Variants in EPM2A observed in about 807,000 individuals in gnomAD.
EPM2A encodes laforin.
Under a neutral mutation model 26.5 loss-of-function variants are expected in EPM2A, and 21 were observed. That is an observed-to-expected ratio of 0.79 (90% CI 0.56 to 1.14). The LOEUF (loss-of-function observed/expected upper bound fraction) is 1.14, where lower values mean the gene tolerates loss of function less well. Ranked by LOEUF, EPM2A falls within the 50% of genes most tolerant of loss-of-function variation. The probability of loss-of-function intolerance (pLI) is 0.00; values close to 1 mark genes in which losing one functional copy is unlikely to be tolerated. For missense variants in EPM2A, 458 were observed against 440.8 expected (o/e 1.04, Z -0.35); for synonymous variants, 217 against 177.6 (o/e 1.22, Z -1.76).
intron 4 of EPM2A, among the ~76,000 whole-genome samples, chr6:145,456,150 A>G (rs73559192): frequency 6.6e-6 from 1 of 152,312 alleles, no homozygotes; most frequent in South Asian, 2.1e-4. Flanking sequence ...GCTGTCAGAA[A>G]GTGATTTATG....
intron 2 of EPM2A, among the ~76,000 whole-genome samples, chr6:145,506,695 A>G (rs74479415): frequency 0.092 from 14,057 of 152,260 alleles, 798 homozygotes; most frequent in East Asian, 0.17. Context: ...CAGAGGTTGT[A>G]TCTGGGTCAT....
chr6:145,708,550 C>T (rs762958721), intron 1 of EPM2A, among the ~76,000 whole-genome samples: 1 of 152,188 alleles, frequency 6.6e-6, no homozygotes, highest in African/African-American at 2.4e-5. Flanking sequence ...CTGGCAGCTC[C>T]GGTATGGTGT....
intron 4 of EPM2A, among the ~76,000 whole-genome samples, chr6:145,451,979 T>A (rs1779200854): frequency 6.6e-6 from 1 of 152,168 alleles, no homozygotes; most frequent in African/African-American, 2.4e-5. Flanking sequence ...TCAACTCCTC[T>A]TCATCATTGT....
At chr6:145,411,236 A>G (rs1202361981) in intron 4 of EPM2A, among the ~76,000 whole-genome samples, 1 of 152,246 alleles carries the variant, frequency 6.6e-6, no homozygotes, top group Non-Finnish European at 1.5e-5. Flanking sequence ...TCTCATGATT[A>G]TAAAAGATAC....
intron 1 of EPM2A, among the ~76,000 whole-genome samples, chr6:145,690,440 G>A (rs1467621088): frequency 6.8e-6 from 1 of 148,076 alleles, no homozygotes; most frequent in East Asian, 2.0e-4. Context: ...AACCCGGGAA[G>A]CGGAGCTTGC....
chr6:145,710,732 C>T (rs181070089), intron 1 of EPM2A, among the ~76,000 whole-genome samples: 3 of 152,170 alleles, frequency 2.0e-5, no homozygotes, highest in African/African-American at 4.8e-5. Context: ...AAATGTCCAA[C>T]AATGGTAGAC....
At chr6:145,502,696 C>A (rs1479911821) in intron 2 of EPM2A, 4 of 418,350 alleles carry the variant, frequency 9.6e-6, no homozygotes, top group Admixed American at 2.6e-5. Flanking sequence ...TATTTCCTAT[C>A]ATGTAATATA....
At chr6:145,720,511 G>A (rs1397983837) in intron 1 of EPM2A, among the ~76,000 whole-genome samples, 2 of 152,124 alleles carry the variant, frequency 1.3e-5, no homozygotes, top group Non-Finnish European at 2.9e-5. Flanking sequence ...GTGAAATTAA[G>A]GATAGCTCTA....
chr6:145,444,424 C>A (rs146522323), intron 4 of EPM2A, among the ~76,000 whole-genome samples: 6 of 152,314 alleles, frequency 3.9e-5, no homozygotes, highest in Admixed American at 3.3e-4. Flanking sequence ...GTCGAACCAA[C>A]CTTGCATACT....
At chr6:145,686,519 A>G (rs917874270) in intron 1 of EPM2A, among the ~76,000 whole-genome samples, 1 of 152,178 alleles carries the variant, frequency 6.6e-6, no homozygotes, top group Non-Finnish European at 1.5e-5. Context: ...CTTTGAGTAC[A>G]TGGGTTATAA....
intron 2 of EPM2A, among the ~76,000 whole-genome samples, chr6:145,649,785 AGAG>A (rs1226659648): frequency 6.6e-6 from 1 of 152,224 alleles, no homozygotes; most frequent in African/African-American, 2.4e-5. Flanking sequence ...CCCACTGCAA[AGAG>A]TTGAGTAGTT....
chr6:145,580,720 T>C lies in EPM2A; in HGVS notation c.340+54525A>G, dbSNP rs1329416895. Among the ~76,000 whole-genome samples, 3 of 152,110 alleles carry C rather than the reference T, an allele frequency of 2.0e-5. No individual in the cohort carries two copies. The East Asian group carries it at 5.8e-4, about 29-fold the overall frequency. ...AGTTTCTATTTTTCCCTTCTTTGTGTCTATGTATACTCAGTGTTTAGCTGC... is the reference window on the plus strand; with the variant it reads ...AGTTTCTATTTTTCCCTTCTTTGTGCCTATGTATACTCAGTGTTTAGCTGC... On this transcript the variant is annotated intron_variant, in intron 2 of 3. Transcript: ENST00000450221.
At chr6:145,490,048 T>G in intron 4 of EPM2A, 1 of 1,307,686 alleles carries the variant, frequency 7.6e-7, no homozygotes, top group South Asian at 1.4e-5. Flanking sequence ...CAGTCACTTG[T>G]GCTGAATCCA....
chr6:145,591,126 A>T (rs1289207473), intron 2 of EPM2A, among the ~76,000 whole-genome samples: 1 of 152,140 alleles, frequency 6.6e-6, no homozygotes, highest in Non-Finnish European at 1.5e-5. Flanking sequence ...GATTGGGCAC[A>T]GCCAAGGAAA....
At chr6:145,682,986 A>G (rs1294854179) in intron 2 of EPM2A, among the ~76,000 whole-genome samples, 8 of 152,206 alleles carry the variant, frequency 5.3e-5, no homozygotes, top group Non-Finnish European at 1.5e-5. Flanking sequence ...TAATCTTAGC[A>G]TTATACATTG....
chr6:145,711,551 C>G (rs1249111909), intron 1 of EPM2A, among the ~76,000 whole-genome samples: 1 of 152,016 alleles, frequency 6.6e-6, no homozygotes, highest in East Asian at 1.9e-4. Context: ...GATACAACAT[C>G]CTAGGATTAG....
intron 4 of EPM2A, among the ~76,000 whole-genome samples, chr6:145,464,621 T>A (rs1272584505): frequency 6.6e-6 from 1 of 152,192 alleles, no homozygotes; most frequent in Admixed American, 6.6e-5. Flanking sequence ...ATTTTTTATT[T>A]CATAATTTAT....
At chr6:145,465,520 C>T (rs1380198838) in intron 4 of EPM2A, among the ~76,000 whole-genome samples, 4 of 87,490 alleles carry the variant, frequency 4.6e-5, no homozygotes, top group Non-Finnish European at 6.6e-5. Context: ...TGAGGAACTG[C>T]GTTCCTTTGG....
intron 4 of EPM2A, among the ~76,000 whole-genome samples, chr6:145,426,971 G>C (rs1023655605): frequency 1.3e-5 from 2 of 152,130 alleles, no homozygotes; most frequent in African/African-American, 4.8e-5. Flanking sequence ...TAGATACATA[G>C]TTCATTCTGA....
Sources: allele counts gnomAD v4.1 joint callset (sites outside exome capture counted in the v4.1 genomes callset), GRCh38; gene constraint gnomAD v4.1.1; transcripts MANE v1.5; gene names NCBI Gene and HGNC (gene_info 2026-07-23, HGNC 2026-07-21).